ERC2: variants seen among roughly 807,000 people sequenced by gnomAD.
The protein encoded by ERC2 is ERC protein 2.
In ERC2, 42 loss-of-function variants were observed where a neutral mutation model predicts 114.8. The ratio of observed to expected loss-of-function variants is 0.37; its 90% CI spans 0.29 to 0.47. ERC2 has a LOEUF of 0.47. ERC2 is among the 20% of genes least tolerant of loss of function. The pLI is 0.99. For missense variants in ERC2, 939 were observed against 1,150.7 expected (o/e 0.82, Z 2.66); for synonymous variants, 454 against 425.5 (o/e 1.07, Z -0.82).
At chr3:55,624,683 T>A (rs114461120) in intron 17 of ERC2, among the ~76,000 whole-genome samples, 1 of 152,284 alleles carries the variant, frequency 6.6e-6, no homozygotes, top group African/African-American at 2.4e-5. Context: ...CTTTTTCCTC[T>A]GCAAAATGGG....
intron 1 of ERC2, among the ~76,000 whole-genome samples, chr3:56,461,398 A>G (rs1362174350): frequency 6.6e-6 from 1 of 152,220 alleles, no homozygotes; most frequent in Admixed American, 6.5e-5. Context: ...GTGTTCATTT[A>G]GTGACTGAAA....
chr3:56,284,416 C>A (rs2054545393), intron 3 of ERC2, among the ~76,000 whole-genome samples: 1 of 152,120 alleles, frequency 6.6e-6, no homozygotes, highest in Non-Finnish European at 1.5e-5. Flanking sequence ...CTTAATAGTA[C>A]TTAGAGCAAA....
intron 2 of ERC2, among the ~76,000 whole-genome samples, chr3:56,301,276 T>C (rs2055857341): frequency 6.6e-6 from 1 of 152,240 alleles, no homozygotes; most frequent in African/African-American, 2.4e-5. Context: ...GTTCAAAATT[T>C]TCTCAAATTC....
At chr3:56,219,061 C>T (rs1641690518) in intron 3 of ERC2, among the ~76,000 whole-genome samples, 3 of 152,040 alleles carry the variant, frequency 2.0e-5, no homozygotes, top group Non-Finnish European at 4.4e-5. Flanking sequence ...GGGTGCAGCA[C>T]ACCAACATGG....
intron 12 of ERC2, chr3:55,955,251 TGTGTGTGTG>T (rs2149454567): frequency 2.9e-5 from 1 of 34,796 alleles, no homozygotes; most frequent in East Asian, 7.6e-4. Flanking sequence ...GGTGTGTTTG[TGTGTGTGTG>T]TGTGTGTGTG....
At chr3:55,919,130 A>T (rs1234860512) in intron 13 of ERC2, among the ~76,000 whole-genome samples, 5 of 152,146 alleles carry the variant, frequency 3.3e-5, no homozygotes. Context: ...TGTAATCCTA[A>T]CACTTTGGGT....
chr3:55,790,962 G>A (rs1273340654), intron 14 of ERC2, among the ~76,000 whole-genome samples: 1 of 152,260 alleles, frequency 6.6e-6, no homozygotes, highest in Non-Finnish European at 1.5e-5. Context: ...TTCCTGATGG[G>A]TGTGAGTTTG....
intron 3 of ERC2, among the ~76,000 whole-genome samples, chr3:56,244,793 C>A (rs1576048279): frequency 6.6e-6 from 1 of 152,220 alleles, no homozygotes; most frequent in African/African-American, 2.4e-5. Context: ...GTGTCCTAGG[C>A]CTTCACATTC....
intron 2 of ERC2, among the ~76,000 whole-genome samples, chr3:56,308,082 A>T (rs999333602): frequency 1.3e-5 from 2 of 152,202 alleles, no homozygotes; most frequent in Non-Finnish European, 2.9e-5. Context: ...CCTCTCCATC[A>T]AAACTCACAT....
intron 2 of ERC2, among the ~76,000 whole-genome samples, chr3:56,353,613 C>T (rs1390056853): frequency 2.3e-5 from 3 of 128,626 alleles, no homozygotes; most frequent in African/African-American, 9.1e-5. Flanking sequence ...AATGAGAACA[C>T]TTGGACACAG....
At chr3:56,119,098 T>C (rs928393898) in intron 6 of ERC2, among the ~76,000 whole-genome samples, 2 of 152,236 alleles carry the variant, frequency 1.3e-5, no homozygotes, top group East Asian at 3.8e-4. Flanking sequence ...TGGGCATGGA[T>C]ATGTTCCAAT....
intron 11 of ERC2, among the ~76,000 whole-genome samples, chr3:55,990,159 C>A (rs2070946742): frequency 6.6e-6 from 1 of 152,052 alleles, no homozygotes; most frequent in Admixed American, 6.6e-5. Context: ...TTTTTAAGAA[C>A]CAGCAGACTA....
chr3:56,153,089 TC>T (rs1408046169), intron 4 of ERC2, among the ~76,000 whole-genome samples: 1 of 152,188 alleles, frequency 6.6e-6, no homozygotes, highest in Non-Finnish European at 1.5e-5. Context: ...TTTAAATCTA[TC>T]TCTAGATTTC....
At chr3:56,468,180 T>G (rs2063643091) in intron 1 of ERC2, 68 bp downstream of exon 1, 1 of 151,940 alleles carries the variant, frequency 6.6e-6, no homozygotes, top group East Asian at 2.0e-4. Context: ...GCACGAGGAA[T>G]GCCCGGGCAC....
intron 4 of ERC2, among the ~76,000 whole-genome samples, chr3:56,166,521 G>A (rs989384750): frequency 1.1e-4 from 17 of 151,882 alleles, no homozygotes; most frequent in Admixed American, 6.6e-5. Context: ...TTTGGTTTGG[G>A]TTTTTAGGTT....
At chr3:55,918,135 C>T (rs946608168) in intron 13 of ERC2, among the ~76,000 whole-genome samples, 1 of 151,958 alleles carries the variant, frequency 6.6e-6, no homozygotes, top group Non-Finnish European at 1.5e-5. Context: ...ATTTATATTC[C>T]AGGTCTGAAA....
chr3:56,269,650 A>C (rs1238791196), intron 3 of ERC2, among the ~76,000 whole-genome samples: 2 of 152,170 alleles, frequency 1.3e-5, no homozygotes, highest in African/African-American at 4.8e-5. Context: ...GAAGGAAGCA[A>C]ATAACCCTAT....
chr3:55,755,755 T>A (rs1041213150), intron 14 of ERC2, among the ~76,000 whole-genome samples: 1 of 152,280 alleles, frequency 6.6e-6, no homozygotes, highest in Admixed American at 6.5e-5. Context: ...TCTAAAAATG[T>A]TGTAACAATG....
chr3:55,847,748 T>C (rs2061424021), intron 14 of ERC2, among the ~76,000 whole-genome samples: 1 of 152,224 alleles, frequency 6.6e-6, no homozygotes, highest in Non-Finnish European at 1.5e-5. Context: ...TATCTCTGCA[T>C]GGTGGCAATT....
Sources: allele counts gnomAD v4.1 joint callset (sites outside exome capture counted in the v4.1 genomes callset), GRCh38; gene constraint gnomAD v4.1.1; transcripts MANE v1.5; gene names NCBI Gene and HGNC (gene_info 2026-07-23, HGNC 2026-07-21).